Variants in LARGE1 observed in about 807,000 individuals in gnomAD.
LARGE1 encodes LARGE xylosyl- and glucuronyltransferase 1.
In LARGE1, 43 loss-of-function variants were observed where a neutral mutation model predicts 87.6. That is an observed-to-expected ratio of 0.49 (90% CI 0.38 to 0.63). The LOEUF is 0.63. Ranked by LOEUF, LARGE1 falls within the 30% of genes least tolerant of loss-of-function variation. The pLI, the probability that LARGE1 is intolerant of heterozygous loss-of-function variation, is 0.00. For missense variants in LARGE1, 802 were observed against 1,000.2 expected (o/e 0.80, Z 2.67); for synonymous variants, 434 against 394.6 (o/e 1.10, Z -1.18).
At chr22:33,683,471 A>C (rs1203855306) in intron 2 of LARGE1, among the ~76,000 whole-genome samples, 1 of 152,186 alleles carries the variant, frequency 6.6e-6, no homozygotes, top group Admixed American at 6.5e-5. Flanking sequence ...CTCAGCCTCC[A>C]TAATTGAATG....
At chr22:33,838,160 T>C (rs1171740079) in intron 1 of LARGE1, among the ~76,000 whole-genome samples, 1 of 152,222 alleles carries the variant, frequency 6.6e-6, no homozygotes, top group African/African-American at 2.4e-5. Flanking sequence ...TCTTAGCTCA[T>C]GGGCTAAAGG....
At chr22:33,149,691 T>C in the LARGE1 span, among the ~76,000 whole-genome samples, 2 of 152,214 alleles carry the variant, frequency 1.3e-5, no homozygotes, top group African/African-American at 4.8e-5. Flanking sequence ...TGGGCTCTTA[T>C]TGGGAGTTTC....
intron 2 of LARGE1, among the ~76,000 whole-genome samples, chr22:33,675,157 G>T (rs2081531711): frequency 6.6e-6 from 1 of 151,702 alleles, no homozygotes; most frequent in Non-Finnish European, 1.5e-5. Flanking sequence ...AGCTGGGCAT[G>T]GTGGCGCATG....
intron 11 of LARGE1, among the ~76,000 whole-genome samples, chr22:33,312,741 T>C (rs1448678138): frequency 2.0e-5 from 3 of 152,180 alleles, no homozygotes; most frequent in Admixed American, 2.0e-4. Context: ...TGGATTATAG[T>C]ACCTGAGTTT....
the LARGE1 span, among the ~76,000 whole-genome samples, chr22:33,094,820 G>T: frequency 6.6e-6 from 1 of 152,222 alleles, no homozygotes; most frequent in African/African-American, 2.4e-5. Flanking sequence ...CTGAGTTGAA[G>T]TGATTCTCCT....
At chr22:33,178,391 T>C (rs1922992031) in intron 11 of LARGE1, among the ~76,000 whole-genome samples, 1 of 152,068 alleles carries the variant, frequency 6.6e-6, no homozygotes, top group Non-Finnish European at 1.5e-5. Flanking sequence ...GTTTTGATGT[T>C]GAAACACACA....
chr22:33,110,706 G>A, the LARGE1 span: 1 of 151,940 alleles, frequency 6.6e-6, no homozygotes, highest in Non-Finnish European at 1.5e-5. Context: ...TCCAAACTGG[G>A]GCTACTCCCC....
At chr22:33,519,300 CA>C (rs1191523940) in intron 6 of LARGE1, among the ~76,000 whole-genome samples, 9 of 151,934 alleles carry the variant, frequency 5.9e-5, no homozygotes, top group Admixed American at 5.2e-4. Flanking sequence ...AAAGGAGACC[CA>C]GGGGGGCTCC....
intron 6 of LARGE1, among the ~76,000 whole-genome samples, chr22:33,459,215 C>T (rs1378641333): frequency 1.3e-5 from 2 of 152,000 alleles, no homozygotes; most frequent in African/African-American, 4.8e-5. Flanking sequence ...TTTTACCTTC[C>T]ATTTAACAGA....
chr22:33,882,402 C>T (rs1337457416), intron 1 of LARGE1, among the ~76,000 whole-genome samples: 2 of 152,156 alleles, frequency 1.3e-5, no homozygotes, highest in Non-Finnish European at 2.9e-5. Flanking sequence ...TGTTTCAAGT[C>T]AGTGCAGACT....
At chr22:33,831,749 T>TACACACACACACACACAC (rs5845118) in intron 1 of LARGE1, among the ~76,000 whole-genome samples, 1 of 146,760 alleles carries the variant, frequency 6.8e-6, no homozygotes, top group African/African-American at 2.5e-5. Context: ...CACATGCATG[T>TACACACACACACACACAC]ACACACACAC....
chr22:33,155,555 C>G, the LARGE1 span, among the ~76,000 whole-genome samples: 1 of 152,136 alleles, frequency 6.6e-6, no homozygotes, highest in East Asian at 1.9e-4. Context: ...TTCTAAGCAT[C>G]AAGGCATTCA....
At chr22:33,230,317 G>T (rs1023211173) in intron 11 of LARGE1, among the ~76,000 whole-genome samples, 2 of 151,946 alleles carry the variant, frequency 1.3e-5, no homozygotes, top group Non-Finnish European at 2.9e-5. Flanking sequence ...ACCATGCCTG[G>T]CCTCAAAGTT....
intron 11 of LARGE1, among the ~76,000 whole-genome samples, chr22:33,231,484 A>G (rs1238576179): frequency 6.6e-6 from 1 of 152,270 alleles, no homozygotes; most frequent in African/African-American, 2.4e-5. Context: ...TGTTTGATAC[A>G]TAGCACATGC....
chr22:33,211,774 A>T lies in LARGE1; in HGVS notation c.1731-44942T>A, dbSNP rs953272521. Among the ~76,000 whole-genome samples, 29 of 152,194 alleles carry T rather than the reference A, an allele frequency of 1.9e-4. 1 individual carries two copies. Among genetic ancestry groups the T allele is most frequent in the African/African-American group, 6.0e-4 (25 of 41,444 alleles). Reference sequence around the variant, plus strand: ...GGCAACAGAGTGAGACTCTGTCTCAAAGAAAAAAAAGTGCTGTGACTCCAG... The same window carrying T: ...GGCAACAGAGTGAGACTCTGTCTCATAGAAAAAAAAGTGCTGTGACTCCAG... On this transcript the variant is annotated intron_variant, in intron 11 of 11. Transcript: ENST00000608642.
At chr22:33,915,042 C>CACACACACAGAGAG (rs144076486) in intron 1 of LARGE1, among the ~76,000 whole-genome samples, 14 of 137,032 alleles carry the variant, frequency 1.0e-4, no homozygotes, top group South Asian at 2.4e-4. Context: ...CACACACACA[C>CACACACACAGAGAG]AGAGAGAGAG....
chr22:33,260,255 C>T (rs1336048518), intron 11 of LARGE1, among the ~76,000 whole-genome samples: 2 of 152,258 alleles, frequency 1.3e-5, no homozygotes, highest in Admixed American at 6.5e-5. Context: ...CATGCCCCCT[C>T]CTCTCCTCTG....
chr22:33,449,449 A>C (rs1855853971), intron 6 of LARGE1, among the ~76,000 whole-genome samples: 1 of 152,226 alleles, frequency 6.6e-6, no homozygotes, highest in South Asian at 2.1e-4. Flanking sequence ...TGGAGAATCC[A>C]CAGGTGTGGG....
intron 2 of LARGE1, among the ~76,000 whole-genome samples, chr22:33,683,541 A>G (rs2081846234): frequency 6.6e-6 from 1 of 152,134 alleles, no homozygotes; most frequent in Non-Finnish European, 1.5e-5. Flanking sequence ...AATAGGATGG[A>G]TGGATGGACA....
Sources: allele counts gnomAD v4.1 joint callset (sites outside exome capture counted in the v4.1 genomes callset), GRCh38; gene constraint gnomAD v4.1.1; transcripts MANE v1.5; gene names NCBI Gene and HGNC (gene_info 2026-07-23, HGNC 2026-07-21).